Variants in RNASE4 observed in about 807,000 individuals in gnomAD.
RNASE4 encodes ribonuclease A family member 4.
For missense variants in RNASE4, 194 were observed against 192.8 expected (o/e 1.01, Z -0.04); for synonymous variants, 93 against 71.4 (o/e 1.30, Z -1.52).
intron 1 of RNASE4, among the ~76,000 whole-genome samples, chr14:20,692,280 A>G (rs1338951511): frequency 6.6e-6 from 1 of 152,194 alleles, no homozygotes; most frequent in Non-Finnish European, 1.5e-5. Context: ...TCAGTGAGTT[A>G]CTCATAAACG....
Position 20,699,454 on chromosome 14 carries a change from G to C in RNASE4, c.83G>C (p.Gly28Ala). 1 of 1,613,812 alleles carries C rather than the reference G, an allele frequency of 6.2e-7. No homozygotes were observed. The highest frequency in any genetic ancestry group is 8.5e-7 in the Non-Finnish European group (1 of 1,179,954). Residue 28 changes from glycine to alanine, a missense_variant, in exon 2 of 2, where the codon GGC becomes GCC. Gly to Ala is a moderately conservative substitution (Grantham distance 60). Coordinates refer to ENST00000555835, the MANE Select transcript of RNASE4 (RefSeq NM_002937.5). ...LGLGLVQPSY[G>A]QDGMYQRFLR... ...CTGGGGCTGGTCCAGCCCTCCTATG[G>C]CCAGGATGGCATGTACCAGCGATTC...
intron 1 of RNASE4, among the ~76,000 whole-genome samples, chr14:20,693,094 G>A (rs919371260): frequency 2.6e-5 from 4 of 152,102 alleles, no homozygotes; most frequent in African/African-American, 4.8e-5. Context: ...TGATCCGCCC[G>A]CCTTGGCCTC....
At chr14:20,691,125 T>C (rs528220512) in intron 1 of RNASE4, among the ~76,000 whole-genome samples, 2 of 152,246 alleles carry the variant, frequency 1.3e-5, no homozygotes, top group East Asian at 1.9e-4. Context: ...AACAGCAATA[T>C]CCCCACAAGT....
intron 1 of RNASE4, among the ~76,000 whole-genome samples, chr14:20,687,680 C>T (rs527790227): frequency 6.6e-6 from 1 of 152,208 alleles, no homozygotes; most frequent in East Asian, 1.9e-4. Context: ...TAATGCCTAC[C>T]TCACACAGTC....
At chr14:20,698,489 A>T (rs898173859) in intron 1 of RNASE4, among the ~76,000 whole-genome samples, 7 of 152,204 alleles carry the variant, frequency 4.6e-5, no homozygotes, top group African/African-American at 1.7e-4. Flanking sequence ...CCTGGGAAAC[A>T]TCTTTACTCT....
intron 1 of RNASE4, among the ~76,000 whole-genome samples, chr14:20,695,826 G>A (rs796669035): frequency 6.6e-6 from 1 of 152,234 alleles, no homozygotes; most frequent in Non-Finnish European, 1.5e-5. Context: ...TTGAGAAGTA[G>A]GTAGCTGGTA....
intron 1 of RNASE4, chr14:20,693,347 A>G: frequency 1.5e-6 from 1 of 662,204 alleles, no homozygotes; most frequent in East Asian, 2.7e-5. Context: ...GGTTGTGCTC[A>G]GGAAACTATT....
chr14:20,689,775 G>T (rs1886615183), intron 1 of RNASE4, among the ~76,000 whole-genome samples: 1 of 152,078 alleles, frequency 6.6e-6, no homozygotes, highest in Non-Finnish European at 1.5e-5. Flanking sequence ...AATTAGCCAA[G>T]CGTGGTGGTG....
At position 20,699,337 on chromosome 14, in the gene RNASE4, C is replaced by A; in HGVS notation, c.-17-18C>A. On this transcript the variant is annotated intron_variant, in intron 1 of 1. Transcript: ENST00000555835. ...CAGTTCTTACCTTATTTCTCCTGCC[C>A]CTTGCTTTCTTTTCTAGGCACCTCT... The A allele has an allele frequency of 6.5e-7, 1 of 1,538,954 alleles. No individual in the cohort carries two copies. The highest frequency in any genetic ancestry group is 8.7e-7 in the Non-Finnish European group (1 of 1,145,834).
At chr14:20,698,391 C>G (rs1181055502) in intron 1 of RNASE4, among the ~76,000 whole-genome samples, 1 of 152,166 alleles carries the variant, frequency 6.6e-6, no homozygotes, top group Non-Finnish European at 1.5e-5. Flanking sequence ...GAAGAAGACA[C>G]AATCCAAGTT....
At chr14:20,695,570 G>A (rs904966391) in intron 1 of RNASE4, among the ~76,000 whole-genome samples, 27 of 152,322 alleles carry the variant, frequency 1.8e-4, no homozygotes, top group Middle Eastern at 3.4e-3. Context: ...TCTGTTGACA[G>A]GTACTTGGAT....
chr14:20,693,089 C>T (rs577138365), intron 1 of RNASE4, among the ~76,000 whole-genome samples: 6 of 152,094 alleles, frequency 3.9e-5, no homozygotes, highest in South Asian at 2.1e-4. Flanking sequence ...CCTCGTGATC[C>T]GCCCGCCTTG....
chr14:20,692,342 G>T (rs1886803919), intron 1 of RNASE4, among the ~76,000 whole-genome samples: 1 of 152,166 alleles, frequency 6.6e-6, no homozygotes, highest in Non-Finnish European at 1.5e-5. Flanking sequence ...CTTCAACTCA[G>T]GATACAACTG....
At chr14:20,689,383 A>G (rs1816442706) in intron 1 of RNASE4, among the ~76,000 whole-genome samples, 1 of 152,220 alleles carries the variant, frequency 6.6e-6, no homozygotes, top group Admixed American at 6.5e-5. Flanking sequence ...AAAGGGATGA[A>G]TATGCCTTGG....
chr14:20,700,003 T>C lies in RNASE4; in HGVS notation c.*188T>C, dbSNP rs1887242760. On this transcript the variant is annotated 3_prime_UTR_variant, in exon 2 of 2. Coordinates refer to ENST00000555835, the MANE Select transcript of RNASE4 (RefSeq NM_002937.5). Reference sequence around the variant, plus strand: ...TATGGAGACATAAACCTGTAATGAATGAGGCTGGGCTTTTCTGTAATAAGC... The same window carrying C: ...TATGGAGACATAAACCTGTAATGAACGAGGCTGGGCTTTTCTGTAATAAGC... 3.3e-6 allele frequency: 2 copies of C among 610,920 alleles called. No homozygotes were observed. The highest frequency in any genetic ancestry group is 5.6e-5 in the East Asian group (2 of 35,612). 37.8% of individuals were successfully genotyped at this position (610,920 alleles called of 1,614,324 possible).
At chr14:20,696,955 T>G (rs1190348066) in intron 1 of RNASE4, among the ~76,000 whole-genome samples, 1 of 152,200 alleles carries the variant, frequency 6.6e-6, no homozygotes, top group African/African-American at 2.4e-5. Context: ...GTTCTTACTG[T>G]GAGTCAGGGT....
intron 1 of RNASE4, among the ~76,000 whole-genome samples, chr14:20,687,588 C>T (rs1886485105): frequency 6.6e-6 from 1 of 152,186 alleles, no homozygotes; most frequent in African/African-American, 2.4e-5. Flanking sequence ...TTTCTCCTTG[C>T]TTATGAAGGG....
intron 1 of RNASE4, among the ~76,000 whole-genome samples, chr14:20,687,487 G>A (rs1886480341): frequency 6.6e-6 from 1 of 152,216 alleles, no homozygotes; most frequent in South Asian, 2.1e-4. Flanking sequence ...TGTGTGTGCA[G>A]GCGCATATGG....
intron 1 of RNASE4, among the ~76,000 whole-genome samples, chr14:20,690,031 A>C (rs1167342846): frequency 1.4e-5 from 2 of 147,548 alleles, no homozygotes; most frequent in Non-Finnish European, 1.5e-5. Context: ...CTGGCTAACA[A>C]GGTGAAACCC....
Sources: gnomAD v4.1 joint callset for allele counts (sites outside exome capture counted in the v4.1 genomes callset) on GRCh38, gnomAD v4.1.1 for gene constraint, MANE v1.5 for transcripts, NCBI Gene and HGNC (gene_info 2026-07-23, HGNC 2026-07-21) for gene names.